Variants in ENTHD1 observed in about 807,000 individuals in gnomAD.
The protein encoded by ENTHD1 is ENTH domain-containing protein 1.
ENTHD1 carries 23 observed loss-of-function variants against 39.1 expected under a neutral mutation model. That is an observed-to-expected ratio of 0.59 (90% CI 0.42 to 0.83). The LOEUF is 0.83. ENTHD1 is among the 40% of genes least tolerant of loss of function. ENTHD1 has a pLI of 0.00. For synonymous variants in ENTHD1, 230 were observed against 258.2 expected (o/e 0.89, Z 1.05); for missense variants, 624 against 705.4 (o/e 0.88, Z 1.31).
At chr22:39,778,270 G>A (rs542109033) in intron 5 of ENTHD1, among the ~76,000 whole-genome samples, 192 of 152,186 alleles carry the variant, frequency 1.3e-3, no homozygotes, top group Non-Finnish European at 2.1e-3. Context: ...TCCCTTCCCC[G>A]TAGATACTCC....
intron 3 of ENTHD1, among the ~76,000 whole-genome samples, chr22:39,853,368 TA>T (rs575222975): frequency 3.3e-4 from 49 of 150,316 alleles, no homozygotes; most frequent in African/African-American, 1.0e-3. Flanking sequence ...CTGTCTCTAC[TA>T]AAAAAAAATA....
At position 39,807,616 on chromosome 22, in the gene ENTHD1, T is replaced by C. The variant is rs543983647; in HGVS notation, c.832+13377A>G. 2.0e-5 allele frequency among the ~76,000 whole-genome samples: 3 copies of C among 152,164 alleles called. No individual in the cohort carries two copies. The South Asian group carries it at 6.2e-4, about 32-fold the overall frequency. ...TCCTCCTGTTCCTCCCACCCCAGCC[T>C]CTCACATTGTTCATGCTGCCTGAGA... On this transcript the variant is annotated intron_variant, in intron 5 of 6. Coordinates refer to ENST00000325157, the MANE Select transcript of ENTHD1 (RefSeq NM_152512.4).
At chr22:39,805,315 G>T (rs533149415) in intron 5 of ENTHD1, among the ~76,000 whole-genome samples, 5 of 152,330 alleles carry the variant, frequency 3.3e-5, no homozygotes, top group Middle Eastern at 3.4e-3. Flanking sequence ...GGAAGTAGGA[G>T]TTGGGAGGGT....
intron 6 of ENTHD1, chr22:39,750,192 T>C (rs533772657): frequency 4.8e-6 from 1 of 207,242 alleles, no homozygotes; most frequent in East Asian, 1.2e-4. Flanking sequence ...ATGGATCAAC[T>C]AGGAATACTG....
At chr22:39,789,376 C>G (rs555492508) in intron 5 of ENTHD1, among the ~76,000 whole-genome samples, 20 of 152,154 alleles carry the variant, frequency 1.3e-4, no homozygotes, top group Non-Finnish European at 2.1e-4. Flanking sequence ...CTTAACTCCT[C>G]AAAACACCAT....
intron 6 of ENTHD1, among the ~76,000 whole-genome samples, chr22:39,757,030 C>G (rs1241316665): frequency 1.3e-5 from 2 of 149,172 alleles, no homozygotes; most frequent in Admixed American, 6.6e-5. Context: ...AAAAAAAAAG[C>G]CTTCTGGGAC....
chr22:39,837,831 A>G (rs1394931776), intron 3 of ENTHD1, among the ~76,000 whole-genome samples: 1 of 152,256 alleles, frequency 6.6e-6, no homozygotes, highest in Non-Finnish European at 1.5e-5. Context: ...ATGAGGCTGC[A>G]TGCCTTTGCC....
chr22:39,836,242 T>C (rs1307007924), intron 3 of ENTHD1, among the ~76,000 whole-genome samples: 5 of 152,148 alleles, frequency 3.3e-5, no homozygotes, highest in Non-Finnish European at 4.4e-5. Flanking sequence ...AATGCACTTA[T>C]GTGGTTTTGA....
intron 5 of ENTHD1, among the ~76,000 whole-genome samples, chr22:39,770,771 C>A (rs1338321125): frequency 2.6e-5 from 4 of 152,164 alleles, no homozygotes; most frequent in Non-Finnish European, 4.4e-5. Context: ...GACTTGGATG[C>A]AAGTAATTTG....
intron 2 of ENTHD1, among the ~76,000 whole-genome samples, chr22:39,884,339 T>C (rs902252773): frequency 6.6e-6 from 1 of 152,068 alleles, no homozygotes; most frequent in African/African-American, 2.4e-5. Context: ...CCACCATACC[T>C]GGCTAATTTT....
chr22:39,792,894 G>A (rs530090516), intron 5 of ENTHD1, among the ~76,000 whole-genome samples: 3 of 152,244 alleles, frequency 2.0e-5, no homozygotes, highest in East Asian at 1.9e-4. Context: ...CAGTAAACAC[G>A]GGGGTGCAGG....
intron 6 of ENTHD1, among the ~76,000 whole-genome samples, chr22:39,745,113 C>T (rs954007524): frequency 4.6e-5 from 7 of 152,222 alleles, no homozygotes; most frequent in Admixed American, 4.6e-4. Flanking sequence ...AGGAGATTAA[C>T]AGTGTCCATC....
chr22:39,767,505 C>G (rs979071817), intron 5 of ENTHD1, among the ~76,000 whole-genome samples: 1 of 151,992 alleles, frequency 6.6e-6, no homozygotes, highest in African/African-American at 2.4e-5. Context: ...CGAATATATT[C>G]CTAGTTGAGT....
In ENTHD1 at chr22:39,743,721, G is replaced by A. The variant is rs1416091422; in HGVS notation, c.1782C>T (p.Ser594=). The part of the protein sequence containing the change: ...SLNSSQISQS[S]QVPQSSEGSS... ...TCCCCTCAGAAGACTGGGGGACCTG[G>A]GAAGACTGGCTTATTTGTGAACTAT... Residue 594 remains serine (S), a synonymous_variant, in exon 7 of 7, where the codon TCC becomes TCT. Transcript: ENST00000325157. 6.2e-7 allele frequency: 1 copy of A among 1,613,710 alleles called. No homozygotes were observed.
chr22:39,743,578 A>C lies in ENTHD1; in HGVS notation c.*101T>G, dbSNP rs552598978. 3.8e-6 allele frequency: 5 copies of C among 1,332,068 alleles called. No homozygotes were observed. In the East Asian group the frequency reaches 1.0e-4, roughly 27 times the overall value. 82.5% of individuals were successfully genotyped at this position (1,332,068 alleles called of 1,614,324 possible). On this transcript the variant is annotated 3_prime_UTR_variant, in exon 7 of 7. Transcript: ENST00000325157. Reference sequence around the variant, plus strand: ...AAACCTGACAAGGAAAAATTAAACCATCCCCTTTTTTGCCATAATAATATG... The same window carrying C: ...AAACCTGACAAGGAAAAATTAAACCCTCCCCTTTTTTGCCATAATAATATG...
intron 5 of ENTHD1, among the ~76,000 whole-genome samples, chr22:39,803,491 C>G (rs547960237): frequency 6.6e-6 from 1 of 152,230 alleles, no homozygotes; most frequent in South Asian, 2.1e-4. Context: ...TTCACCAGAA[C>G]AGAAGCTCCT....
At position 39,857,471 on chromosome 22, in the gene ENTHD1, A is replaced by AAAAAAAAT. The variant is rs1555940780; in HGVS notation, c.592+4293_592+4294insATTTTTTT. 9.3e-5 allele frequency among the ~76,000 whole-genome samples: 11 copies of AAAAAAAAT among 118,598 alleles called. 2 individuals are homozygous for AAAAAAAAT. The highest frequency in any genetic ancestry group is 1.6e-4 in the African/African-American group (5 of 31,640). The allele number at this position is 118,598 out of a possible 152,430, so 77.8% of individuals were successfully genotyped here. A position where few individuals can be genotyped will look rare whatever the true frequency, so the allele number is the denominator to read the frequency against. ...AAAAAAAAAAAAAAAAAAAAAAAAA[A>AAAAAAAAT]GCAATCTGTGACTACAAAACAATAA... On this transcript the variant is annotated intron_variant, in intron 3 of 6. Coordinates refer to ENST00000325157, the MANE Select transcript of ENTHD1 (RefSeq NM_152512.4).
chr22:39,789,420 C>T (rs575796591), intron 5 of ENTHD1, among the ~76,000 whole-genome samples: 23 of 152,270 alleles, frequency 1.5e-4, no homozygotes, highest in African/African-American at 4.1e-4. Context: ...TCAACTGAAG[C>T]TGCCCTCTGT....
chr22:39,774,028 G>C (rs780645900), intron 5 of ENTHD1, among the ~76,000 whole-genome samples: 2 of 152,208 alleles, frequency 1.3e-5, no homozygotes, highest in South Asian at 2.1e-4. Flanking sequence ...AGTGCACAGT[G>C]CACACAGAGA....
Sources: gnomAD v4.1 joint callset for allele counts (sites outside exome capture counted in the v4.1 genomes callset) on GRCh38, gnomAD v4.1.1 for gene constraint, MANE v1.5 for transcripts, NCBI Gene and HGNC (gene_info 2026-07-23, HGNC 2026-07-21) for gene names.